PRTG: variants seen among roughly 807,000 people sequenced by gnomAD.
The protein encoded by PRTG is protogenin.
PRTG carries 67 observed loss-of-function variants against 122.5 expected under a neutral mutation model. The ratio of observed to expected loss-of-function variants is 0.55; its 90% CI spans 0.45 to 0.67. The LOEUF is 0.67. Among genes scored for constraint, PRTG ranks in the 30% least tolerant of loss-of-function variants. The pLI, the probability that PRTG is intolerant of heterozygous loss-of-function variation, is 0.00. For synonymous variants in PRTG, 554 were observed against 501.1 expected (o/e 1.11, Z -1.41); for missense variants, 1,435 against 1,415.4 (o/e 1.01, Z -0.22).
In PRTG at chr15:55,618,401, CA is replaced by C. The variant is rs913036389; in HGVS notation, c.*1610del. The stretch of plus-strand genomic sequence containing the variant: ...TTATGATTCCTTTTAAAATGAGAAT[CA>C]AAAGTCACTTCCAGAAAATTTGAAA... On this transcript the variant is annotated 3_prime_UTR_variant, in exon 20 of 20. Transcript: ENST00000389286. The C allele has an allele frequency of 5.3e-5, 8 of 152,076 alleles. No individual in the cohort carries two copies. The highest frequency in any genetic ancestry group is 1.9e-4 in the African/African-American group (8 of 41,396). The allele number at this position is 152,076 out of a possible 1,614,324, so 9.4% of individuals were successfully genotyped here.
chr15:55,620,931 T>A (rs1328864372), intron 18 of PRTG, among the ~76,000 whole-genome samples, 164 bp from the exon 19 acceptor site: 1 of 152,182 alleles, frequency 6.6e-6, no homozygotes, highest in Non-Finnish European at 1.5e-5. Flanking sequence ...GTTACATGAG[T>A]GGGGTACATA....
At chr15:55,711,528 G>GT (rs780935036) in intron 2 of PRTG, among the ~76,000 whole-genome samples, 54 of 152,048 alleles carry the variant, frequency 3.6e-4, no homozygotes, top group Non-Finnish European at 5.7e-4. Flanking sequence ...GAGAAGCGCT[G>GT]TTTGATGCCA....
chr15:55,683,275 G>T (rs993100868), intron 3 of PRTG, among the ~76,000 whole-genome samples: 1 of 151,992 alleles, frequency 6.6e-6, no homozygotes, highest in Admixed American at 6.6e-5. Flanking sequence ...CTCAGGAGCA[G>T]GGCAGGAATC....
intron 15 of PRTG, among the ~76,000 whole-genome samples, chr15:55,636,312 T>C (rs1173316614): frequency 2.0e-5 from 3 of 151,940 alleles, no homozygotes; most frequent in African/African-American, 7.3e-5. Context: ...TTTTTTTTCA[T>C]ATGTGGACCA....
chr15:55,737,140 C>G (rs566600230), intron 2 of PRTG, among the ~76,000 whole-genome samples: 112 of 152,206 alleles, frequency 7.4e-4, no homozygotes, highest in Middle Eastern at 3.4e-3. Flanking sequence ...ACTTGATTTG[C>G]TAAATTTAAA....
At position 55,618,533 on chromosome 15, in the gene PRTG, C is replaced by T. The variant is rs1251388273; in HGVS notation, c.*1479G>A. The stretch of plus-strand genomic sequence containing the variant: ...AACTGTCTCATGACGGAGAAAAGGC[C>T]TATGTTATGTAGCTGAGTAAACAAT... On this transcript the variant is annotated 3_prime_UTR_variant, in exon 20 of 20. Transcript: ENST00000389286. The T allele has an allele frequency of 6.6e-6, 1 of 152,168 alleles. No homozygotes were observed. The highest frequency in any genetic ancestry group is 1.5e-5 in the Non-Finnish European group (1 of 68,040). The allele number at this position is 152,168 out of a possible 1,614,324, so 9.4% of individuals were successfully genotyped here. A position where few individuals can be genotyped will look rare whatever the true frequency, so the allele number is the denominator to read the frequency against.
intron 7 of PRTG, 69 bp from the exon 8 acceptor site, chr15:55,678,113 T>A: frequency 2.3e-5 from 20 of 884,662 alleles, no homozygotes; most frequent in Non-Finnish European, 3.3e-5. Context: ...GTTTAGCTAT[T>A]GCTAAATATA....
At chr15:55,712,581 T>G (rs1052423966) in intron 2 of PRTG, among the ~76,000 whole-genome samples, 3 of 152,204 alleles carry the variant, frequency 2.0e-5, no homozygotes, top group Non-Finnish European at 2.9e-5. Flanking sequence ...CCTCCCAAAT[T>G]GAATTAACCA....
chr15:55,669,669 AG>A (rs1268695403), intron 11 of PRTG, among the ~76,000 whole-genome samples: 1 of 152,210 alleles, frequency 6.6e-6, no homozygotes, highest in African/African-American at 2.4e-5. Flanking sequence ...GGCATCTTAA[AG>A]GTGATCCAGT....
At chr15:55,679,470 T>C in intron 6 of PRTG, 25 bp from the exon 7 acceptor site, 4 of 1,574,496 alleles carry the variant, frequency 2.5e-6, no homozygotes, top group Middle Eastern at 1.7e-4. Flanking sequence ...AAAAATGAAA[T>C]ATTTCTGTGA....
chr15:55,741,463 A>G (rs187945938), intron 1 of PRTG, among the ~76,000 whole-genome samples: 1 of 152,322 alleles, frequency 6.6e-6, no homozygotes, highest in East Asian at 1.9e-4. Context: ...TAATCAACCA[A>G]TACACATTTT....
At chr15:55,729,633 A>G (rs2031161270) in intron 2 of PRTG, among the ~76,000 whole-genome samples, 1 of 152,010 alleles carries the variant, frequency 6.6e-6, no homozygotes, top group Non-Finnish European at 1.5e-5. Flanking sequence ...ATATATGTAT[A>G]TCTAAAAGGG....
chr15:55,659,318 T>C (rs2059396748), intron 11 of PRTG, among the ~76,000 whole-genome samples: 1 of 152,204 alleles, frequency 6.6e-6, no homozygotes, highest in Non-Finnish European at 1.5e-5. Context: ...TAGACAGAAA[T>C]AAGTACTCGT....
intron 6 of PRTG, chr15:55,679,676 T>C: frequency 2.2e-6 from 1 of 449,100 alleles, no homozygotes; most frequent in African/African-American, 2.0e-5. Context: ...ACACTTAAAA[T>C]ATATGTACCT....
At chr15:55,705,854 C>CTTTTTTT (rs33973404) in intron 2 of PRTG, among the ~76,000 whole-genome samples, 6 of 125,420 alleles carry the variant, frequency 4.8e-5, no homozygotes, top group Non-Finnish European at 9.7e-5. Context: ...ACTTGCTATT[C>CTTTTTTT]TTTTTTTTTT....
rs2059126560 is a variant in PRTG, at chr15:55,612,749, T to TATGA, written c.*7262_*7263insTCAT. ...ATATATATATATATATATATATATA[T>TATGA]GACTTAAATTGGAGTAAGATGACTT... On this transcript the variant is annotated 3_prime_UTR_variant, in exon 20 of 20. Transcript: ENST00000389286. 2 of 129,096 alleles carry TATGA rather than the reference T, an allele frequency of 1.5e-5. No homozygotes were observed. The highest frequency in any genetic ancestry group is 6.3e-5 in the African/African-American group (2 of 31,792). 8.0% of individuals were successfully genotyped at this position (129,096 alleles called of 1,614,324 possible).
At chr15:55,665,159 C>T (rs55725954) in intron 11 of PRTG, among the ~76,000 whole-genome samples, 5 of 151,810 alleles carry the variant, frequency 3.3e-5, no homozygotes, top group Admixed American at 2.6e-4. Context: ...ACTTGGGAGG[C>T]CGAGGGAGGA....
intron 11 of PRTG, among the ~76,000 whole-genome samples, chr15:55,642,597 C>CAAAA (rs10708251): frequency 1.1e-5 from 1 of 95,224 alleles, no homozygotes; most frequent in African/African-American, 4.0e-5. Context: ...AACTCCATCT[C>CAAAA]AAAAAAAAAA....
chr15:55,668,541 A>T (rs1180985300), intron 11 of PRTG, among the ~76,000 whole-genome samples: 1 of 152,220 alleles, frequency 6.6e-6, no homozygotes, highest in Non-Finnish European at 1.5e-5. Flanking sequence ...ACTGAGCTAA[A>T]CATTGAAAGT....
Sources: gnomAD v4.1 joint callset for allele counts (sites outside exome capture counted in the v4.1 genomes callset) on GRCh38, gnomAD v4.1.1 for gene constraint, MANE v1.5 for transcripts, NCBI Gene and HGNC (gene_info 2026-07-23, HGNC 2026-07-21) for gene names.